The following PCCB variants were observed in gnomAD, a reference collection of about 807,000 sequenced individuals.
The protein encoded by PCCB is propionyl-CoA carboxylase subunit beta.
A neutral mutation model predicts 60.7 loss-of-function variants in PCCB; 43 were observed. That is an observed-to-expected ratio of 0.71 (90% CI 0.55 to 0.91). The LOEUF (loss-of-function observed/expected upper bound fraction) is 0.91. Ranked by LOEUF, PCCB falls within the 40% of genes least tolerant of loss-of-function variation. PCCB has a pLI of 0.00. For synonymous variants in PCCB, 276 were observed against 255.9 expected (o/e 1.08, Z -0.75); for missense variants, 766 against 702.8 (o/e 1.09, Z -1.02).
chr3:136,288,638 C>T (rs895730809), intron 6 of PCCB, among the ~76,000 whole-genome samples: 1 of 150,348 alleles, frequency 6.7e-6, no homozygotes, highest in African/African-American at 2.5e-5. Context: ...GCCACAGCAC[C>T]TGGTCTATAA....
intron 6 of PCCB, among the ~76,000 whole-genome samples, chr3:136,284,422 A>G (rs1933258953): frequency 6.6e-6 from 1 of 152,230 alleles, no homozygotes; most frequent in Non-Finnish European, 1.5e-5. Flanking sequence ...TCTTTATTAC[A>G]TGACTTTAAT....
At chr3:136,297,821 G>A in intron 7 of PCCB, 131 bp from the exon 8 acceptor site, 1 of 925,466 alleles carries the variant, frequency 1.1e-6, no homozygotes, top group Admixed American at 1.7e-5. Context: ...CCTCAGTGGA[G>A]GGTGCAGAGA....
chr3:136,254,642 C>T (rs1011384144), intron 1 of PCCB, among the ~76,000 whole-genome samples: 1 of 146,930 alleles, frequency 6.8e-6, no homozygotes. Flanking sequence ...AAGTGATTCT[C>T]CTGCCTCAGC....
At chr3:136,316,522 G>A (rs1934901835) in intron 9 of PCCB, among the ~76,000 whole-genome samples, 1 of 152,016 alleles carries the variant, frequency 6.6e-6, no homozygotes, top group African/African-American at 2.4e-5. Context: ...CGCTACATTG[G>A]CCAGGCTGGT....
In PCCB at chr3:136,260,275, G is replaced by A. The variant is rs138737913; in HGVS notation, c.373-204G>A. The A allele has an allele frequency of 8.7e-5, 57 of 656,360 alleles. No homozygotes were observed. In the East Asian group the frequency reaches 1.3e-3, roughly 16 times the overall value. The allele number at this position is 656,360 out of a possible 1,614,324, so 40.7% of individuals were successfully genotyped here. A position where few individuals can be genotyped will look rare whatever the true frequency, so the allele number is the denominator to read the frequency against. On this transcript the variant is annotated intron_variant, in intron 3 of 14. Coordinates refer to ENST00000251654, the MANE Select transcript of PCCB (RefSeq NM_000532.5). ...ATATTTTTTGCAGATACGGGCTTCT[G>A]CCATGTCGCCCAGGCTGGTCTCAGA...
chr3:136,322,315 T>G (rs769614253), intron 10 of PCCB, among the ~76,000 whole-genome samples: 2 of 152,228 alleles, frequency 1.3e-5, no homozygotes, highest in African/African-American at 2.4e-5. Flanking sequence ...AAATCCCACC[T>G]GGTTTTGATG....
chr3:136,313,774 A>G (rs546882642), intron 9 of PCCB, among the ~76,000 whole-genome samples: 1 of 152,346 alleles, frequency 6.6e-6, no homozygotes, highest in Non-Finnish European at 1.5e-5. Flanking sequence ...AGCTGTAAAA[A>G]AATTCTAGCT....
At chr3:136,284,123 G>T (rs775773985) in intron 6 of PCCB, among the ~76,000 whole-genome samples, 176 bp downstream of exon 6, 1 of 152,220 alleles carries the variant, frequency 6.6e-6, no homozygotes, top group Non-Finnish European at 1.5e-5. Flanking sequence ...TGTAGCTTGT[G>T]GGGGTTCAGT....
chr3:136,312,843 G>C (rs1198401025), intron 9 of PCCB, among the ~76,000 whole-genome samples: 5 of 152,082 alleles, frequency 3.3e-5, no homozygotes, highest in African/African-American at 7.2e-5. Context: ...AGAAACTCTT[G>C]GCAGCATGTA....
intron 6 of PCCB, among the ~76,000 whole-genome samples, chr3:136,290,589 G>A (rs1442707703): frequency 2.0e-5 from 3 of 148,844 alleles, no homozygotes; most frequent in African/African-American, 7.4e-5. Context: ...CAAACTCCTG[G>A]GCTCACATGG....
At chr3:136,257,318 A>G (rs977786330) in intron 3 of PCCB, among the ~76,000 whole-genome samples, 16 of 152,268 alleles carry the variant, frequency 1.1e-4, no homozygotes, top group African/African-American at 3.1e-4. Flanking sequence ...GAAGGGGACC[A>G]TCAGCAAAGG....
In PCCB at chr3:136,304,371, C is replaced by T. The variant is rs187965823; in HGVS notation, c.966+3260C>T. Among the ~76,000 whole-genome samples, 98 of 115,670 alleles carry T rather than the reference C, an allele frequency of 8.5e-4. 6 individuals carry two copies. Among genetic ancestry groups the T allele is most frequent in the African/African-American group, 2.6e-3 (97 of 37,054 alleles). 75.9% of individuals were successfully genotyped at this position (115,670 alleles called of 152,430 possible). A position where few individuals can be genotyped will look rare whatever the true frequency, so the allele number is the denominator to read the frequency against. On this transcript the variant is annotated intron_variant, in intron 9 of 14. Transcript: ENST00000251654. ...CAACTCACTATGTTGCCCAGGCTGGCTTTTCCAATTATTTATTTATTTTTT... is the reference window on the plus strand; with the variant it reads ...CAACTCACTATGTTGCCCAGGCTGGTTTTTCCAATTATTTATTTATTTTTT...
Position 136,250,428 on chromosome 3 carries a change from C to T in PCCB, c.53C>T (p.Ala18Val), listed in dbSNP as rs769481450. Residue 18 changes from alanine (A) to valine (V), a missense_variant, in exon 1 of 15, where the codon GCG (alanine) becomes GTG (valine). Ala to Val is a moderately conservative substitution (Grantham distance 64, BLOSUM62 0). Transcript: ENST00000251654. ...AAVGARLSVL[A>V]SGLRAAVRSL... ...GTCGGGGCAAGGCTCAGCGTTCTGG[C>T]GAGCGGTCTCCGCGCCGCGGTCCGC... 1.9e-6 allele frequency: 3 copies of T among 1,590,872 alleles called. No individual in the cohort carries two copies. The highest frequency in any genetic ancestry group is 2.6e-6 in the Non-Finnish European group (3 of 1,168,926).
At chr3:136,293,178 A>G (rs867363766) in intron 6 of PCCB, among the ~76,000 whole-genome samples, 1 of 152,074 alleles carries the variant, frequency 6.6e-6, no homozygotes, top group Non-Finnish European at 1.5e-5. Context: ...ATTGAAACAA[A>G]TTTTTATGGA....
At chr3:136,263,174 C>G (rs938901498) in intron 5 of PCCB, among the ~76,000 whole-genome samples, 7 of 150,892 alleles carry the variant, frequency 4.6e-5, no homozygotes, top group South Asian at 4.2e-4. Flanking sequence ...AGGTTGGTCT[C>G]GAACTCCTGA....
At chr3:136,316,894 T>C (rs1270954419) in intron 9 of PCCB, 47 bp from the exon 10 acceptor site, 3 of 1,605,060 alleles carry the variant, frequency 1.9e-6, no homozygotes, top group African/African-American at 2.7e-5. Context: ...TTACATCTTA[T>C]ACTTGTCTTT....
At position 136,317,053 on chromosome 3, in the gene PCCB, A is replaced by C. The variant is rs1276851485; in HGVS notation, c.1079A>C (p.Lys360Thr). The C allele has an allele frequency of 1.2e-6, 2 of 1,614,048 alleles. No individual in the cohort carries two copies. The highest frequency in any genetic ancestry group is 2.2e-5 in the East Asian group (1 of 44,868). ...RTVGIVGNQP[K>T]VASGCLDINS... ...GTTGGAATTGTTGGCAACCAACCTA[A>C]GGTGGCCTCAGGTAGGATGGAGCTC... Residue 360 changes from lysine to threonine, a missense_variant, in exon 10 of 15, where the codon AAG becomes ACG. Lys to Thr is a moderately conservative substitution (Grantham distance 78). Transcript: ENST00000251654.
At chr3:136,261,087 CCCGTTCACAG>C (rs893091649) in intron 4 of PCCB, among the ~76,000 whole-genome samples, 54 of 152,140 alleles carry the variant, frequency 3.5e-4, no homozygotes, top group African/African-American at 1.3e-3. Context: ...TTCATGGACT[CCCGTTCACAG>C]ATCTCTTGGG....
chr3:136,300,304 A>G (rs1472274542), intron 8 of PCCB, among the ~76,000 whole-genome samples: 1 of 152,168 alleles, frequency 6.6e-6, no homozygotes, highest in Non-Finnish European at 1.5e-5. Context: ...CCCAAGGCCA[A>G]ACCTCAGCCC....
Sources: gnomAD v4.1 joint callset for allele counts (sites outside exome capture counted in the v4.1 genomes callset) on GRCh38, gnomAD v4.1.1 for gene constraint, MANE v1.5 for transcripts, NCBI Gene and HGNC (gene_info 2026-07-23, HGNC 2026-07-21) for gene names.